The following LHFPL3 variants were observed in gnomAD, a reference collection of about 807,000 sequenced individuals.
The protein encoded by LHFPL3 is LHFPL tetraspan subfamily member 3, also known as LHFPL tetraspan subfamily member 3 protein.
A neutral mutation model predicts 19.3 loss-of-function variants in LHFPL3; 5 were observed. The observed-to-expected ratio is 0.26, with a 90% CI of 0.14 to 0.54. LHFPL3 has a LOEUF of 0.54. LHFPL3 is among the 20% of genes least tolerant of loss of function. LHFPL3 has a pLI of 0.94. For missense variants in LHFPL3, 249 were observed against 307.4 expected (o/e 0.81, Z 1.42); for synonymous variants, 133 against 126.2 (o/e 1.05, Z -0.36).
At chr7:104,565,717 GTCTGTCTATCTATCTATCTA>G (rs1187277147) in intron 1 of LHFPL3, among the ~76,000 whole-genome samples, 42 of 121,722 alleles carry the variant, frequency 3.5e-4, no homozygotes, top group African/African-American at 1.1e-3. Context: ...CTTCCTGTCT[GTCTGTCTATCTATCTATCTA>G]TCTATCTATC....
At chr7:104,660,683 T>C (rs949740988) in intron 1 of LHFPL3, among the ~76,000 whole-genome samples, 1 of 152,252 alleles carries the variant, frequency 6.6e-6, no homozygotes, top group African/African-American at 2.4e-5. Context: ...TTAGATTATC[T>C]TGACTTCTGT....
intron 1 of LHFPL3, among the ~76,000 whole-genome samples, chr7:104,556,285 C>T (rs1789829813): frequency 1.3e-5 from 2 of 152,214 alleles, no homozygotes; most frequent in African/African-American, 4.8e-5. Flanking sequence ...AGCAGAGGTT[C>T]TCCATGAGGG....
At chr7:104,360,260 A>G (rs1280608882) in intron 1 of LHFPL3, among the ~76,000 whole-genome samples, 1 of 152,180 alleles carries the variant, frequency 6.6e-6, no homozygotes. Context: ...CTCATGCATA[A>G]CCTGCTCTTT....
chr7:104,477,247 TC>T, intron 1 of LHFPL3, among the ~76,000 whole-genome samples: 1 of 152,262 alleles, frequency 6.6e-6, no homozygotes, highest in South Asian at 2.1e-4. Context: ...TGCCTCAACC[TC>T]CTGAAGTGCT....
At chr7:104,525,999 A>G (rs561004113) in intron 1 of LHFPL3, among the ~76,000 whole-genome samples, 1 of 152,222 alleles carries the variant, frequency 6.6e-6, no homozygotes, top group East Asian at 1.9e-4. Context: ...CTGCTGGAAG[A>G]GCCTTGTTCC....
chr7:104,658,869 T>G (rs929849186), intron 1 of LHFPL3, among the ~76,000 whole-genome samples: 2 of 152,192 alleles, frequency 1.3e-5, no homozygotes, highest in African/African-American at 4.8e-5. Flanking sequence ...GGAATCTGAA[T>G]TTTTGACGCA....
intron 1 of LHFPL3, 23 bp downstream of exon 1, chr7:104,329,247 G>A (rs1158839734): frequency 2.9e-5 from 45 of 1,572,878 alleles, no homozygotes; most frequent in Non-Finnish European, 3.8e-5. Flanking sequence ...TCACCTCCGC[G>A]GAGGCGGAGG....
chr7:104,818,799 TCTCA>T (rs894826777), intron 2 of LHFPL3, among the ~76,000 whole-genome samples: 8 of 151,606 alleles, frequency 5.3e-5, no homozygotes, highest in Admixed American at 1.3e-4. Context: ...TCTCTCTCTC[TCTCA>T]CTCACTCAAA....
At chr7:104,503,880 T>C (rs1010392203) in intron 1 of LHFPL3, among the ~76,000 whole-genome samples, 6 of 152,214 alleles carry the variant, frequency 3.9e-5, no homozygotes, top group African/African-American at 1.4e-4. Flanking sequence ...GAAGTTTTTT[T>C]CTTAAGTCCA....
intron 1 of LHFPL3, among the ~76,000 whole-genome samples, chr7:104,451,794 G>T (rs931766889): frequency 1.3e-5 from 2 of 151,962 alleles, no homozygotes; most frequent in African/African-American, 4.8e-5. Flanking sequence ...GCTCAGGCTG[G>T]AGTGCAGTGG....
chr7:104,457,941 C>G (rs1409391666), intron 1 of LHFPL3, among the ~76,000 whole-genome samples: 1 of 142,440 alleles, frequency 7.0e-6, no homozygotes, highest in Non-Finnish European at 1.5e-5. Flanking sequence ...TCATATCCTT[C>G]ACCCACTTTT....
chr7:104,369,677 C>T (rs890693093), intron 1 of LHFPL3, among the ~76,000 whole-genome samples: 1 of 152,176 alleles, frequency 6.6e-6, no homozygotes, highest in South Asian at 2.1e-4. Flanking sequence ...TCTTCATATC[C>T]TTGCCCACAC....
In LHFPL3 at chr7:104,907,987, A is replaced by T. The variant is rs553313382; in HGVS notation, c.*1772A>T. ...AACTAAAGTATTAGTCATTCTGAGGATTATTTGTTGCTTTAAGTATTAGCT... is the reference window on the plus strand; with the variant it reads ...AACTAAAGTATTAGTCATTCTGAGGTTTATTTGTTGCTTTAAGTATTAGCT... On this transcript the variant is annotated 3_prime_UTR_variant, in exon 3 of 3. Coordinates refer to ENST00000424859, the MANE Select transcript of LHFPL3 (RefSeq NM_199000.3). Among the ~76,000 whole-genome samples the T allele has an allele frequency of 6.6e-6, 1 of 152,290 alleles. No individual in the cohort carries two copies. Among genetic ancestry groups the T allele is most frequent in the South Asian group, 2.1e-4 (1 of 4,824 alleles).
intron 1 of LHFPL3, among the ~76,000 whole-genome samples, chr7:104,681,695 C>T (rs1370468859): frequency 6.6e-6 from 1 of 151,924 alleles, no homozygotes; most frequent in Non-Finnish European, 1.5e-5. Context: ...GCCTTATTAC[C>T]CCTGTTTTAC....
chr7:104,696,830 G>A (rs1793004712), intron 1 of LHFPL3, among the ~76,000 whole-genome samples: 1 of 152,104 alleles, frequency 6.6e-6, no homozygotes, highest in South Asian at 2.1e-4. Context: ...AATGCAAAAC[G>A]TTGTGGTATG....
At chr7:104,740,346 A>G (rs1793910416) in intron 2 of LHFPL3, among the ~76,000 whole-genome samples, 1 of 152,252 alleles carries the variant, frequency 6.6e-6, no homozygotes, top group African/African-American at 2.4e-5. Flanking sequence ...TAGTGAGAAT[A>G]GCCTGAAATT....
At chr7:104,405,146 G>A (rs1242673030) in intron 1 of LHFPL3, among the ~76,000 whole-genome samples, 1 of 151,986 alleles carries the variant, frequency 6.6e-6, no homozygotes, top group African/African-American at 2.4e-5. Context: ...GATTCTTAAG[G>A]TAAAAATCAT....
At chr7:104,823,404 T>G (rs900852241) in intron 2 of LHFPL3, among the ~76,000 whole-genome samples, 2 of 152,178 alleles carry the variant, frequency 1.3e-5, no homozygotes, top group African/African-American at 4.8e-5. Flanking sequence ...TTAAGGCCCT[T>G]CCAGCTACAG....
At chr7:104,388,483 T>A (rs940158816) in intron 1 of LHFPL3, among the ~76,000 whole-genome samples, 2 of 152,064 alleles carry the variant, frequency 1.3e-5, no homozygotes, top group African/African-American at 4.8e-5. Flanking sequence ...GAAAAGAAGG[T>A]CAAACCAATC....
Sources: gnomAD v4.1 joint callset for allele counts (sites outside exome capture counted in the v4.1 genomes callset) on GRCh38, gnomAD v4.1.1 for gene constraint, MANE v1.5 for transcripts, NCBI Gene and HGNC (gene_info 2026-07-23, HGNC 2026-07-21) for gene names.